The following PYM1 variants were observed in gnomAD, a reference collection of about 807,000 sequenced individuals.
PYM1 encodes the protein partner of Y14 and mago.
In PYM1, 7 loss-of-function variants were observed where a neutral mutation model predicts 20.7. The ratio of observed to expected loss-of-function variants is 0.34; its 90% CI spans 0.19 to 0.64. PYM1 has a LOEUF of 0.64. Among genes scored for constraint, PYM1 ranks in the 30% least tolerant of loss-of-function variants. The pLI is 0.74. For synonymous variants in PYM1, 100 were observed against 99.2 expected (o/e 1.01, Z -0.05); for missense variants, 194 against 250.0 (o/e 0.78, Z 1.51).
chr12:55,905,576 C>T (rs561712153), intron 1 of PYM1, among the ~76,000 whole-genome samples: 342 of 149,794 alleles, frequency 2.3e-3, no homozygotes, highest in African/African-American at 8.0e-3. Flanking sequence ...GTGGCAGGCG[C>T]CTGTAATCCT....
At chr12:55,918,898 T>C (rs1157865561) in intron 1 of PYM1, among the ~76,000 whole-genome samples, 1 of 152,152 alleles carries the variant, frequency 6.6e-6, no homozygotes, top group African/African-American at 2.4e-5. Flanking sequence ...GGTAGTCCTA[T>C]CATTTAATCA....
At chr12:55,926,925 A>G in intron 1 of PYM1, 2 of 810,616 alleles carry the variant, frequency 2.5e-6, no homozygotes, top group Non-Finnish European at 1.9e-6. Flanking sequence ...GGCGCAGGAG[A>G]CACCCCGTAG....
intron 1 of PYM1, among the ~76,000 whole-genome samples, chr12:55,917,742 G>A (rs1883031967): frequency 1.3e-5 from 2 of 151,402 alleles, no homozygotes; most frequent in South Asian, 2.1e-4. Flanking sequence ...TAGATGGATC[G>A]CCTGAGGTCA....
At chr12:55,904,827 C>CA (rs1328671291) in intron 1 of PYM1, among the ~76,000 whole-genome samples, 2 of 149,804 alleles carry the variant, frequency 1.3e-5, no homozygotes, top group African/African-American at 2.4e-5. Context: ...CAGTGAGTCT[C>CA]AAAAAAAATA....
chr12:55,918,213 TCA>T (rs1883041224), intron 1 of PYM1, among the ~76,000 whole-genome samples: 1 of 151,470 alleles, frequency 6.6e-6, no homozygotes, highest in South Asian at 2.1e-4. Context: ...TTCTCCTGCC[TCA>T]GTCTCCCGAG....
chr12:55,909,174 G>A (rs1011221501), intron 1 of PYM1, among the ~76,000 whole-genome samples: 4 of 151,788 alleles, frequency 2.6e-5, no homozygotes, highest in African/African-American at 9.7e-5. Flanking sequence ...GCCCAGCTGT[G>A]ACAAGAATAA....
chr12:55,915,685 T>C (rs977067201), intron 1 of PYM1, among the ~76,000 whole-genome samples: 1 of 151,850 alleles, frequency 6.6e-6, no homozygotes, highest in African/African-American at 2.4e-5. Context: ...GTGGGCAAAT[T>C]AGGCAAGCAA....
At chr12:55,912,757 G>A (rs1882947052) in intron 1 of PYM1, among the ~76,000 whole-genome samples, 1 of 151,962 alleles carries the variant, frequency 6.6e-6, no homozygotes, top group South Asian at 2.1e-4. Context: ...CTGAGGTCAG[G>A]AGTTCGAGAC....
At chr12:55,924,078 A>T (rs1006402750) in intron 1 of PYM1, among the ~76,000 whole-genome samples, 1 of 151,672 alleles carries the variant, frequency 6.6e-6, no homozygotes, top group Non-Finnish European at 1.5e-5. Flanking sequence ...TCTGTCTCAA[A>T]GAAAAAAAAA....
chr12:55,906,051 G>A (rs913885227), intron 1 of PYM1, among the ~76,000 whole-genome samples: 14 of 145,758 alleles, frequency 9.6e-5, no homozygotes, highest in African/African-American at 3.5e-4. Context: ...TTTATCATTG[G>A]CGAGAAAAAC....
In PYM1 at chr12:55,901,679, A is replaced by G. The variant is rs1882689979; in HGVS notation, c.*193T>C. 1 of 807,258 alleles carries G rather than the reference A, an allele frequency of 1.2e-6. No individual in the cohort carries two copies. The highest frequency in any genetic ancestry group is 2.3e-5 in the South Asian group (1 of 43,630). 50.0% of individuals were successfully genotyped at this position (807,258 alleles called of 1,614,324 possible). On this transcript the variant is annotated 3_prime_UTR_variant, in exon 3 of 3. Transcript: ENST00000408946. ...ACTGGGAATGGGAGGGGGAAAGTCC[A>G]AAAAGTAGAAGTTGGGAAGAAAAGG... is the stretch of plus-strand genomic sequence containing the variant.
At chr12:55,924,380 C>T (rs1020243545) in intron 1 of PYM1, among the ~76,000 whole-genome samples, 5 of 152,086 alleles carry the variant, frequency 3.3e-5, no homozygotes, top group African/African-American at 1.2e-4. Flanking sequence ...TGCATGCTCA[C>T]ACCTGTAATC....
In PYM1 at chr12:55,904,437, C is replaced by CA. The variant is rs1272005899; in HGVS notation, c.38-958dup. On this transcript the variant is annotated intron_variant, in intron 1 of 2. Coordinates refer to ENST00000408946, the MANE Select transcript of PYM1 (RefSeq NM_032345.3). ...TGAAACCCCGTCTCTAATAAAAATA[C>CA]AAAAAAAAATTAGCTGGGCATGCTA... 1.3e-4 allele frequency among the ~76,000 whole-genome samples: 20 copies of CA among 148,166 alleles called. No individual in the cohort carries two copies. In the East Asian group the frequency reaches 3.4e-3, roughly 25 times the overall value.
intron 1 of PYM1, among the ~76,000 whole-genome samples, chr12:55,916,668 C>G (rs1185601601): frequency 1.3e-5 from 2 of 151,864 alleles, no homozygotes; most frequent in African/African-American, 4.8e-5. Flanking sequence ...GTGTGGGGCA[C>G]ATGTCTGTAA....
intron 1 of PYM1, among the ~76,000 whole-genome samples, chr12:55,905,677 T>G (rs1882783253): frequency 6.8e-6 from 1 of 146,058 alleles, no homozygotes; most frequent in Non-Finnish European, 1.5e-5. Flanking sequence ...CACTCCAGCC[T>G]GGGTGACAGA....
At chr12:55,905,595 G>A (rs941634065) in intron 1 of PYM1, among the ~76,000 whole-genome samples, 6 of 149,364 alleles carry the variant, frequency 4.0e-5, no homozygotes, top group East Asian at 2.0e-4. Flanking sequence ...CTAGCTACCC[G>A]GGAGGCTGAG....
intron 1 of PYM1, among the ~76,000 whole-genome samples, chr12:55,907,519 A>G (rs1416458625): frequency 1.3e-5 from 2 of 151,372 alleles, no homozygotes; most frequent in African/African-American, 4.9e-5. Flanking sequence ...TTGTAATCCC[A>G]GCTACTTGGG....
intron 1 of PYM1, among the ~76,000 whole-genome samples, chr12:55,915,519 A>T (rs1259153413): frequency 2.0e-5 from 3 of 149,956 alleles, no homozygotes; most frequent in African/African-American, 7.3e-5. Flanking sequence ...AGATCATGCC[A>T]TTGCACTCCA....
At chr12:55,907,751 C>T (rs1237797113) in intron 1 of PYM1, among the ~76,000 whole-genome samples, 1 of 151,868 alleles carries the variant, frequency 6.6e-6, no homozygotes. Context: ...CCAGCCTGGC[C>T]AACATGGTGA....
Sources: allele counts gnomAD v4.1 joint callset (sites outside exome capture counted in the v4.1 genomes callset), GRCh38; gene constraint gnomAD v4.1.1; transcripts MANE v1.5; gene names NCBI Gene and HGNC (gene_info 2026-07-23, HGNC 2026-07-21).